The following DHX33 variants were observed in gnomAD, a reference collection of about 807,000 sequenced individuals.
The protein encoded by DHX33 is ATP-dependent RNA helicase DHX33.
DHX33 carries 42 observed loss-of-function variants against 72.5 expected under a neutral mutation model. The observed-to-expected ratio is 0.58, with a 90% CI of 0.45 to 0.75. DHX33 has a LOEUF of 0.75. Ranked by LOEUF, DHX33 falls within the 30% of genes least tolerant of loss-of-function variation. The probability of loss-of-function intolerance (pLI) is 0.00; values close to 1 mark genes in which losing one functional copy is unlikely to be tolerated. For synonymous variants in DHX33, 358 were observed against 366.1 expected (o/e 0.98, Z 0.25); for missense variants, 842 against 917.5 (o/e 0.92, Z 1.06).
chr17:5,448,824 C>A lies in DHX33; in HGVS notation c.1800G>T (p.Arg600Ser). ...CAGACGATACCTTTAAGCAGATGTC[C>A]CTCAGCTGTGCTCTGACTTCTGCTA... ...TLVAEVRAQL[R>S]DICLKMSMPI... Residue 600 changes from arginine (R) to serine (S), a missense_variant, in exon 11 of 12, where the codon AGG becomes AGT. Transcript: ENST00000225296. The A allele has an allele frequency of 6.2e-7, 1 of 1,611,648 alleles. No individual in the cohort carries two copies. The highest frequency in any genetic ancestry group is 8.5e-7 in the Non-Finnish European group (1 of 1,178,866).
Position 5,461,124 on chromosome 17 carries a change from G to C in DHX33, c.679-15C>G, listed in dbSNP as rs768391845. On this transcript the variant is annotated splice_polypyrimidine_tract_variant and intron_variant, in intron 3 of 11. Coordinates refer to ENST00000225296, the MANE Select transcript of DHX33 (RefSeq NM_020162.4). Reference sequence around the variant, plus strand: ...ATCACAATCACCTGCATAAGAGAACGAAGAGGAGGACCAGAAACAAATAGT... The same window carrying C: ...ATCACAATCACCTGCATAAGAGAACCAAGAGGAGGACCAGAAACAAATAGT... The C allele has an allele frequency of 1.3e-6, 2 of 1,593,778 alleles. No homozygotes were observed. Among genetic ancestry groups the C allele is most frequent in the African/African-American group, 1.3e-5 (1 of 74,308 alleles).
rs1166342786 is a variant in DHX33 at position 5,444,672 on chromosome 17, T to C, written c.1816-159A>G. ...GACATTCGGAGGTGGTCACCAAGGA[T>C]CAGCAAGGTCAGGGGAAGAAGGCCC... On this transcript the variant is annotated intron_variant, in intron 11 of 11. Coordinates refer to ENST00000225296, the MANE Select transcript of DHX33 (RefSeq NM_020162.4). This position sits in a 1 kb window ranked among gnomAD's most constrained non-coding sequence, Gnocchi z 4.9. 6.6e-6 allele frequency among the ~76,000 whole-genome samples: 1 copy of C among 151,968 alleles called. No individual in the cohort carries two copies. Among genetic ancestry groups the C allele is most frequent in the African/African-American group, 2.4e-5 (1 of 41,356 alleles).
At chr17:5,464,426 A>G (rs1051060430) in intron 1 of DHX33, among the ~76,000 whole-genome samples, 1 of 152,228 alleles carries the variant, frequency 6.6e-6, no homozygotes, top group South Asian at 2.1e-4. Flanking sequence ...GTGTTGGTAA[A>G]GCCTCAGGAG....
At chr17:5,467,759 C>G (rs1904939669) in intron 1 of DHX33, among the ~76,000 whole-genome samples, 1 of 152,168 alleles carries the variant, frequency 6.6e-6, no homozygotes, top group Non-Finnish European at 1.5e-5. Flanking sequence ...ACATTCCAAG[C>G]TTGTGATAAG....
At chr17:5,454,996 G>A (rs1395428017) in intron 6 of DHX33, among the ~76,000 whole-genome samples, 164 bp downstream of exon 6, 1 of 152,146 alleles carries the variant, frequency 6.6e-6, no homozygotes, top group African/African-American at 2.4e-5. Context: ...ACCCGCCTCA[G>A]GACTCCTTCG....
At chr17:5,457,442 G>A (rs1904374999) in intron 4 of DHX33, among the ~76,000 whole-genome samples, 1 of 151,962 alleles carries the variant, frequency 6.6e-6, no homozygotes, top group Non-Finnish European at 1.5e-5. Flanking sequence ...GTCCAACACA[G>A]TGAAATCCCA....
intron 3 of DHX33, 126 bp downstream of exon 3, chr17:5,462,193 G>GGAT: frequency 1.2e-6 from 1 of 820,130 alleles, no homozygotes; most frequent in Non-Finnish European, 1.9e-6. Flanking sequence ...ACCGGCCTTG[G>GGAT]CCTCCCAAAG....
At chr17:5,446,410 T>C (rs989961142) in intron 11 of DHX33, among the ~76,000 whole-genome samples, 6 of 152,178 alleles carry the variant, frequency 3.9e-5, no homozygotes, top group Non-Finnish European at 8.8e-5. Context: ...GCTGAGTGAT[T>C]TGGGGCAAAT....
At chr17:5,446,973 CAG>C (rs1218586617) in intron 11 of DHX33, among the ~76,000 whole-genome samples, 7 of 152,222 alleles carry the variant, frequency 4.6e-5, no homozygotes, top group Non-Finnish European at 8.8e-5. Context: ...CCGTTGGCAT[CAG>C]ACACAGGCCT....
chr17:5,450,386 T>C lies in DHX33; in HGVS notation c.1545A>G (p.Lys515=). The change falls in exon 10 of 12, where the codon AAA becomes AAG. Residue 515 remains lysine (K), a synonymous_variant. Coordinates refer to ENST00000225296, the MANE Select transcript of DHX33 (RefSeq NM_020162.4). ...KFAKTILMSP[K]FHCTEEILTI... ...TCAGGATCTCCTCTGTACAGTGGAA[T>C]TTGGGGGACATGAGGATGGTCTGCA... The C allele has an allele frequency of 1.2e-6, 2 of 1,614,040 alleles. No individual in the cohort carries two copies. Among genetic ancestry groups the C allele is most frequent in the East Asian group, 4.5e-5 (2 of 44,870 alleles).
intron 8 of DHX33, among the ~76,000 whole-genome samples, chr17:5,452,100 G>A (rs1181815330): frequency 2.0e-5 from 3 of 151,430 alleles, no homozygotes; most frequent in Non-Finnish European, 4.4e-5. Context: ...GGACTCCTGG[G>A]GGCTTCAATT....
chr17:5,456,168 TGAA>T lies in DHX33; in HGVS notation c.861_863del (p.Ser288del). ...CAGTGAGGAACACCAGGATGTCCTGTGAAGAAGGGGCTTCCTGTAAAAAAAGTA... is the reference window on the plus strand; with the variant it reads ...CAGTGAGGAACACCAGGATGTCCTGTGAAGGGGCTTCCTGTAAAAAAAGTA... On this transcript the variant is annotated inframe_deletion, in exon 5 of 12. Transcript: ENST00000225296. 1.2e-6 allele frequency: 2 copies of T among 1,613,932 alleles called. No individual in the cohort carries two copies. Among genetic ancestry groups the T allele is most frequent in the South Asian group, 2.2e-5 (2 of 91,076 alleles).
rs750979929 is a variant in DHX33, at chr17:5,460,984, A to G, written c.804T>C (p.Asn268=). 4 of 1,613,992 alleles carry G rather than the reference A, an allele frequency of 2.5e-6. No individual in the cohort carries two copies. The highest frequency in any genetic ancestry group is 1.7e-4 in the Middle Eastern group (1 of 6,058). Residue 268 remains asparagine (N), a synonymous_variant, in exon 4 of 12, where the codon AAT becomes AAC. Coordinates refer to ENST00000225296, the MANE Select transcript of DHX33 (RefSeq NM_020162.4). ...AGACAAGCGCGGCGTGCAGGTAATC[A>G]TTCTGAGGCTGTTTGGTGTAAAACA... ...IQVFYTKQPQ[N]DYLHAALVSV... is the part of the protein sequence containing the mutation.
At chr17:5,448,986 G>A (rs1916777547) in intron 10 of DHX33, 91 bp from the exon 11 acceptor site, 1 of 947,694 alleles carries the variant, frequency 1.1e-6, no homozygotes, top group African/African-American at 1.6e-5. Context: ...CTAGGCTGGA[G>A]TGCAGTGATA....
intron 8 of DHX33, among the ~76,000 whole-genome samples, chr17:5,452,982 G>C (rs936141600): frequency 3.3e-5 from 5 of 152,212 alleles, no homozygotes; most frequent in African/African-American, 1.2e-4. Flanking sequence ...GCGTTGATGA[G>C]AGGCCAGGTG....
intron 5 of DHX33, among the ~76,000 whole-genome samples, 187 bp from the exon 6 acceptor site, chr17:5,455,458 C>G (rs1262505230): frequency 1.3e-5 from 2 of 152,140 alleles, no homozygotes; most frequent in African/African-American, 2.4e-5. Context: ...ACGCTGCAGT[C>G]TTAAAGGTCA....
In DHX33 at chr17:5,454,740, A is replaced by C. The variant is rs2151686986; in HGVS notation, c.1147+420T>G. On this transcript the variant is annotated intron_variant, in intron 6 of 11. Coordinates refer to ENST00000225296, the MANE Select transcript of DHX33 (RefSeq NM_020162.4). ...CTTCTCACTGCACCTTCTTAGGAGA[A>C]GCCAGTGCTCCTTCCATGCCTCACC... Among the ~76,000 whole-genome samples the C allele has an allele frequency of 1.3e-5, 2 of 152,352 alleles. 1 individual carries two copies. The highest frequency in any genetic ancestry group is 4.1e-4 in the South Asian group (2 of 4,830).
intron 6 of DHX33, among the ~76,000 whole-genome samples, 153 bp downstream of exon 6, chr17:5,455,007 C>A (rs1012092922): frequency 6.6e-6 from 1 of 152,162 alleles, no homozygotes; most frequent in African/African-American, 2.4e-5. Context: ...GACTCCTTCG[C>A]GGACCTGGAG....
At chr17:5,452,085 G>A (rs1470407483) in intron 8 of DHX33, among the ~76,000 whole-genome samples, 1 of 151,852 alleles carries the variant, frequency 6.6e-6, no homozygotes, top group African/African-American at 2.4e-5. Flanking sequence ...GCAAGTGGGT[G>A]GGGGGGACTC....
Sources: gnomAD v4.1 joint callset for allele counts (sites outside exome capture counted in the v4.1 genomes callset) on GRCh38, gnomAD v4.1.1 for gene constraint, Gnocchi (gnomAD v3.1) non-coding constraint, MANE v1.5 for transcripts, NCBI Gene and HGNC (gene_info 2026-07-23, HGNC 2026-07-21) for gene names.